The following CEP128 variants were observed in gnomAD, a reference collection of about 807,000 sequenced individuals.
CEP128 encodes centrosomal protein 128kDa.
In CEP128, 132 loss-of-function variants were observed where a neutral mutation model predicts 156.7. That is an observed-to-expected ratio of 0.84 (90% CI 0.73 to 0.97). The LOEUF is 0.97. CEP128 is among the 50% of genes least tolerant of loss of function. The pLI is 0.00. For synonymous variants in CEP128, 469 were observed against 448.9 expected (o/e 1.04, Z -0.57); for missense variants, 1,252 against 1,281.9 (o/e 0.98, Z 0.36).
intron 19 of CEP128, among the ~76,000 whole-genome samples, chr14:80,735,843 A>G (rs1595311945): frequency 6.6e-6 from 1 of 152,120 alleles, no homozygotes; most frequent in African/African-American, 2.4e-5. Context: ...TCCATCTTCA[A>G]TAAGCAATCT....
chr14:80,595,378 G>C (rs564099285), intron 19 of CEP128, among the ~76,000 whole-genome samples: 1 of 152,252 alleles, frequency 6.6e-6, no homozygotes, highest in South Asian at 2.1e-4. Context: ...TGTAGATGAT[G>C]GGTTGATGGG....
intron 9 of CEP128, among the ~76,000 whole-genome samples, chr14:80,859,339 T>C (rs1377828984): frequency 3.5e-4 from 50 of 142,548 alleles, no homozygotes; most frequent in African/African-American, 4.9e-4. Flanking sequence ...TAGGTGGGAA[T>C]TGAACAATGA....
At chr14:80,856,720 C>CTTTTTTTTTTTTTTTTTTTT in intron 9 of CEP128, among the ~76,000 whole-genome samples, 1 of 65,160 alleles carries the variant, frequency 1.5e-5, no homozygotes, top group Non-Finnish European at 2.8e-5. Flanking sequence ...TTTTTCTTTT[C>CTTTTTTTTTTTTTTTTTTTT]TTTTTTTTTT....
chr14:80,906,124 A>T, intron 4 of CEP128, 43 bp from the exon 5 acceptor site: 3 of 1,413,134 alleles, frequency 2.1e-6, no homozygotes, highest in Non-Finnish European at 2.8e-6. Flanking sequence ...TTCTTCTTAA[A>T]CAACTTCCAA....
At chr14:80,817,847 C>T (rs1884953313) in intron 13 of CEP128, among the ~76,000 whole-genome samples, 1 of 151,018 alleles carries the variant, frequency 6.6e-6, no homozygotes, top group Admixed American at 6.6e-5. Context: ...CGCAACTACA[C>T]TCCAGCCTGG....
intron 16 of CEP128, among the ~76,000 whole-genome samples, chr14:80,774,548 C>A (rs1373286323): frequency 6.6e-6 from 1 of 151,932 alleles, no homozygotes; most frequent in African/African-American, 2.4e-5. Flanking sequence ...TTTTATCTGC[C>A]CCAGACTGGC....
At chr14:80,509,428 A>G (rs892080782) in intron 23 of CEP128, among the ~76,000 whole-genome samples, 3 of 152,164 alleles carry the variant, frequency 2.0e-5, no homozygotes, top group Admixed American at 6.5e-5. Context: ...TGCCATTTGT[A>G]TATCTTCTTT....
rs537107697 is a variant in CEP128, at chr14:80,571,169, G to T, written c.2856+9205C>A. Among the ~76,000 whole-genome samples the T allele has an allele frequency of 5.3e-5, 8 of 152,262 alleles. No individual in the cohort carries two copies. In the South Asian group the frequency reaches 1.7e-3, roughly 32 times the overall value. ...TGTGCAGCTAAATGACACCTATATT[G>T]TGCTGGTCCCTTAGATTTTTTGGAT... On this transcript the variant is annotated intron_variant, in intron 20 of 24. Transcript: ENST00000555265.
rs1899700090 is a variant in CEP128, at chr14:80,756,998, T to A, written c.2554-47A>T. ...ATTAGAAATACATTTTTCTCTGACA[T>A]AAACATATATAAATGAAATTCTTCA... is the stretch of plus-strand genomic sequence containing the variant. On this transcript the variant is annotated intron_variant, in intron 17 of 24. Coordinates refer to ENST00000555265, the MANE Select transcript of CEP128 (RefSeq NM_152446.5). 2.5e-6 allele frequency: 3 copies of A among 1,193,010 alleles called. No homozygotes were observed. In the African/African-American group the frequency reaches 4.6e-5, roughly 18 times the overall value. 73.9% of individuals were successfully genotyped at this position (1,193,010 alleles called of 1,614,324 possible). A position where few individuals can be genotyped will look rare whatever the true frequency, so the allele number is the denominator to read the frequency against.
intron 18 of CEP128, among the ~76,000 whole-genome samples, chr14:80,746,614 T>C (rs2139615397): frequency 6.6e-6 from 1 of 152,284 alleles, no homozygotes; most frequent in Non-Finnish European, 1.5e-5. Flanking sequence ...ATCTAAATGT[T>C]AAAGAGCTGA....
chr14:80,721,073 G>T (rs745845690), intron 19 of CEP128, among the ~76,000 whole-genome samples: 65 of 152,024 alleles, frequency 4.3e-4, no homozygotes, highest in Non-Finnish European at 8.1e-4. Context: ...AGAATTCAAA[G>T]AATCTATGAA....
intron 20 of CEP128, among the ~76,000 whole-genome samples, chr14:80,576,888 G>A (rs1891386387): frequency 6.6e-6 from 1 of 152,146 alleles, no homozygotes; most frequent in Non-Finnish European, 1.5e-5. Flanking sequence ...ATGAGGCACT[G>A]TGCTAAGTAG....
intron 19 of CEP128, among the ~76,000 whole-genome samples, chr14:80,711,778 GATT>G (rs1396421910): frequency 6.6e-6 from 1 of 151,938 alleles, no homozygotes; most frequent in African/African-American, 2.4e-5. Flanking sequence ...ACCATAATGC[GATT>G]ATTGTTTATT....
chr14:80,599,907 G>T (rs1566803821), intron 19 of CEP128, among the ~76,000 whole-genome samples: 1 of 152,128 alleles, frequency 6.6e-6, no homozygotes, highest in Non-Finnish European at 1.5e-5. Flanking sequence ...AATTAAAGAG[G>T]CTCAGTAGCA....
intron 19 of CEP128, among the ~76,000 whole-genome samples, chr14:80,690,089 G>GT (rs1299584996): frequency 6.6e-6 from 1 of 151,892 alleles, no homozygotes; most frequent in Non-Finnish European, 1.5e-5. Context: ...TTGTTACTAA[G>GT]TTGTTCCAAG....
intron 18 of CEP128, among the ~76,000 whole-genome samples, chr14:80,755,984 C>T (rs1466551906): frequency 6.6e-6 from 1 of 152,130 alleles, no homozygotes; most frequent in South Asian, 2.1e-4. Flanking sequence ...ATCTGTGGCT[C>T]TCATAGTTTA....
chr14:80,688,448 C>T (rs1365832839), intron 19 of CEP128, among the ~76,000 whole-genome samples: 1 of 152,096 alleles, frequency 6.6e-6, no homozygotes, highest in Non-Finnish European at 1.5e-5. Context: ...ATGTAACAAA[C>T]AAAAATACAT....
chr14:80,528,379 C>T (rs1889076060), intron 22 of CEP128, among the ~76,000 whole-genome samples: 1 of 152,242 alleles, frequency 6.6e-6, no homozygotes, highest in African/African-American at 2.4e-5. Context: ...ACCTCCGCCG[C>T]CCTGGTTCAA....
At chr14:80,810,207 C>A (rs1884428264) in intron 13 of CEP128, among the ~76,000 whole-genome samples, 1 of 150,346 alleles carries the variant, frequency 6.7e-6, no homozygotes, top group Non-Finnish European at 1.5e-5. Context: ...CCTGTAGTCC[C>A]AACCACTCGG....
Sources: allele counts gnomAD v4.1 joint callset (sites outside exome capture counted in the v4.1 genomes callset), GRCh38; gene constraint gnomAD v4.1.1; transcripts MANE v1.5; gene names NCBI Gene and HGNC (gene_info 2026-07-23, HGNC 2026-07-21).